The following MTO1 variants were observed in gnomAD, a reference collection of about 807,000 sequenced individuals.
The protein encoded by MTO1 is 5-taurinomethyluridine-[tRNA] synthase subunit MTO1, mitochondrial.
In MTO1, 46 loss-of-function variants were observed where a neutral mutation model predicts 71.6. The observed-to-expected ratio is 0.64, with a 90% CI of 0.51 to 0.82. The LOEUF is 0.82. Among genes scored for constraint, MTO1 ranks in the 40% least tolerant of loss-of-function variants. MTO1 has a pLI of 0.00. For missense variants in MTO1, 773 were observed against 867.5 expected (o/e 0.89, Z 1.37); for synonymous variants, 297 against 312.1 (o/e 0.95, Z 0.51).
At chr6:73,488,744 A>G (rs2150040706) in intron 9 of MTO1, among the ~76,000 whole-genome samples, 1 of 151,186 alleles carries the variant, frequency 6.6e-6, no homozygotes, top group Middle Eastern at 3.4e-3. Context: ...CCCCATCTCT[A>G]CCAAAAATAC....
intron 7 of MTO1, 117 bp downstream of exon 7, chr6:73,480,922 C>T: frequency 1.2e-6 from 1 of 849,058 alleles, no homozygotes; most frequent in African/African-American, 1.8e-5. Flanking sequence ...TAATAGAAGA[C>T]AATTTATGTT....
In MTO1 at chr6:73,473,550, C is replaced by G; in HGVS notation, c.721C>G (p.Pro241Ala). 1 of 1,613,938 alleles carries G rather than the reference C, an allele frequency of 6.2e-7. No homozygotes were observed. Among genetic ancestry groups the G allele is most frequent in the Non-Finnish European group, 8.5e-7 (1 of 1,180,000 alleles). The change falls in exon 4 of 12, where the codon CCC becomes GCC. Residue 241 changes from proline (P) to alanine (A), a missense_variant. Physicochemically the swap from Pro to Ala is conservative, Grantham distance 27 (BLOSUM62 -1). Coordinates refer to ENST00000498286, the MANE Select transcript of MTO1 (RefSeq NM_012123.4). ...GGGAAGGTTGAAGACTGGGACTCCA[C>G]CCCGAATTGCCAAAGAGTCCATTAA... ...VVGRLKTGTPPRIAKESINFS... is the reference protein window; with the variant it reads ...VVGRLKTGTPARIAKESINFS...
intron 10 of MTO1, 141 bp from the exon 11 acceptor site, chr6:73,497,594 AC>A: frequency 2.6e-6 from 2 of 758,946 alleles, no homozygotes; most frequent in Non-Finnish European, 4.1e-6. Flanking sequence ...GGGAACACCT[AC>A]CCAACCCATC....
chr6:73,478,878 C>G (rs558978929), intron 4 of MTO1, among the ~76,000 whole-genome samples: 1 of 147,610 alleles, frequency 6.8e-6, no homozygotes, highest in South Asian at 2.2e-4. Flanking sequence ...GGCACAAAAA[C>G]ACTTTTTTTT....
rs535420006 is a variant in MTO1, at chr6:73,482,079, C to T, written c.1300C>T (p.Arg434Cys). Residue 434 changes from arginine to cysteine, a missense_variant, in exon 8 of 12, where the codon CGC becomes TGC. Coordinates refer to ENST00000498286, the MANE Select transcript of MTO1 (RefSeq NM_012123.4). ...AGINASLRVS[R>C]KPPFVVSRTE... is the part of the protein sequence containing the mutation. ...AATCAACGCCAGTCTTCGGGTCAGTCGCAAGCCTCCCTTTGTGGTTAGCCG... is the reference window on the plus strand; with the variant it reads ...AATCAACGCCAGTCTTCGGGTCAGTTGCAAGCCTCCCTTTGTGGTTAGCCG... 16 of 1,614,140 alleles carry T rather than the reference C, an allele frequency of 9.9e-6. No individual in the cohort carries two copies. Among genetic ancestry groups the T allele is most frequent in the Admixed American group, 6.7e-5 (4 of 59,994 alleles).
chr6:73,498,210 C>CA (rs1268562224), intron 11 of MTO1, among the ~76,000 whole-genome samples: 21 of 143,088 alleles, frequency 1.5e-4, no homozygotes, highest in South Asian at 2.2e-4. Flanking sequence ...GACCCTGTCT[C>CA]AAAAAAAAAA....
At chr6:73,491,624 C>T (rs1233107495) in intron 9 of MTO1, among the ~76,000 whole-genome samples, 3 of 152,112 alleles carry the variant, frequency 2.0e-5, no homozygotes, top group African/African-American at 7.2e-5. Flanking sequence ...AAAGTACATT[C>T]CAGTGCTTAG....
In MTO1 at chr6:73,504,000, C is replaced by A. The variant is rs1312963695; in HGVS notation, c.*3265C>A. ...AAGTGGTCAGGAGTATCAGGAAAGC[C>A]ACCAGCAGAGACTAGGGGTTTATTC... On this transcript the variant is annotated 3_prime_UTR_variant, in exon 12 of 12. Transcript: ENST00000498286. 6.6e-6 allele frequency: 1 copy of A among 152,176 alleles called. No individual in the cohort carries two copies. The highest frequency in any genetic ancestry group is 2.4e-5 in the African/African-American group (1 of 41,438). The allele number at this position is 152,176 out of a possible 1,614,324, so 9.4% of individuals were successfully genotyped here. A position where few individuals can be genotyped will look rare whatever the true frequency, so the allele number is the denominator to read the frequency against.
chr6:73,472,193 C>T (rs1332480501), intron 3 of MTO1, among the ~76,000 whole-genome samples: 2 of 152,182 alleles, frequency 1.3e-5, no homozygotes, highest in Non-Finnish European at 2.9e-5. Flanking sequence ...TTATAGCTAT[C>T]TCCCCTCTGC....
At chr6:73,475,712 A>G (rs1456397603) in intron 4 of MTO1, among the ~76,000 whole-genome samples, 2 of 151,862 alleles carry the variant, frequency 1.3e-5, no homozygotes, top group African/African-American at 4.8e-5. Context: ...GGGTTTCTCC[A>G]TGTTGGTCAG....
intron 1 of MTO1, among the ~76,000 whole-genome samples, chr6:73,462,953 C>G (rs1317495134): frequency 6.6e-6 from 1 of 151,910 alleles, no homozygotes; most frequent in Non-Finnish European, 1.5e-5. Context: ...GTGCTCAGTA[C>G]TCTGCCCAGC....
At chr6:73,494,710 A>G (rs1302951122) in intron 10 of MTO1, among the ~76,000 whole-genome samples, 1 of 150,208 alleles carries the variant, frequency 6.7e-6, no homozygotes, top group African/African-American at 2.5e-5. Context: ...TCCTGACTTC[A>G]GGTGATCCAC....
rs1435234605 is a variant in MTO1 at position 73,506,053 on chromosome 6, A to C, written c.*5318A>C. 1.3e-5 allele frequency: 2 copies of C among 151,828 alleles called. No individual in the cohort carries two copies. The highest frequency in any genetic ancestry group is 2.9e-5 in the Non-Finnish European group (2 of 68,036). The allele number at this position is 151,828 out of a possible 1,614,324, so 9.4% of individuals were successfully genotyped here. A position where few individuals can be genotyped will look rare whatever the true frequency, so the allele number is the denominator to read the frequency against. ...GAGTGCAGTGGCACTATCTCGGCTC[A>C]CTGCAACCTCCTCCTGCTGGGTTAA... On this transcript the variant is annotated 3_prime_UTR_variant, in exon 12 of 12. Coordinates refer to ENST00000498286, the MANE Select transcript of MTO1 (RefSeq NM_012123.4).
At chr6:73,494,499 C>T (rs1161898515) in intron 10 of MTO1, among the ~76,000 whole-genome samples, 1 of 142,894 alleles carries the variant, frequency 7.0e-6, no homozygotes, top group South Asian at 2.2e-4. Context: ...TTTTTTGAGA[C>T]GGAGTCTCGC....
At chr6:73,466,439 T>G (rs1224505054) in intron 2 of MTO1, 31 bp downstream of exon 2, 1 of 1,613,442 alleles carries the variant, frequency 6.2e-7, no homozygotes, top group South Asian at 1.1e-5. Flanking sequence ...CAGGAAAGAT[T>G]ATAGTGATTG....
intron 10 of MTO1, 21 bp from the exon 11 acceptor site, chr6:73,497,715 G>T: frequency 6.2e-7 from 1 of 1,604,584 alleles, no homozygotes; most frequent in Admixed American, 1.7e-5. Context: ...ATTATAACAT[G>T]ATTCTGATTT....
chr6:73,474,753 T>C (rs1771262280), intron 4 of MTO1, among the ~76,000 whole-genome samples: 1 of 112,118 alleles, frequency 8.9e-6, no homozygotes, highest in South Asian at 3.1e-4. Context: ...TGCACCCGAC[T>C]TTTTTTTTTT....
chr6:73,495,825 T>C (rs2150044063), intron 10 of MTO1, among the ~76,000 whole-genome samples: 2 of 152,354 alleles, frequency 1.3e-5, no homozygotes, highest in Middle Eastern at 3.4e-3. Flanking sequence ...TACAATTTGC[T>C]GTACTAATTT....
rs1009189949 is a variant in MTO1 at position 73,466,597 on chromosome 6, G to C, written c.526G>C (p.Val176Leu). Reference protein sequence around the residue: ...EHTGKCRVSGVVLVDGSTVYA... With the variant: ...EHTGKCRVSGLVLVDGSTVYA... ...CACTGGGAAATGCCGTGTCAGTGGG[G>C]TTGTTTTGGGTACGTATTGGTTATA... Residue 176 changes from valine (V) to leucine (L), a missense_variant, in exon 3 of 12, where the codon GTT becomes CTT. Val to Leu is a conservative substitution (Grantham distance 32). Coordinates refer to ENST00000498286, the MANE Select transcript of MTO1 (RefSeq NM_012123.4). 1.2e-6 allele frequency: 2 copies of C among 1,613,380 alleles called. No homozygotes were observed. Among genetic ancestry groups the C allele is most frequent in the African/African-American group, 2.7e-5 (2 of 75,016 alleles).
Sources: allele counts gnomAD v4.1 joint callset (sites outside exome capture counted in the v4.1 genomes callset), GRCh38; gene constraint gnomAD v4.1.1; transcripts MANE v1.5; gene names NCBI Gene and HGNC (gene_info 2026-07-23, HGNC 2026-07-21).